Variants in GMEB1 observed in about 807,000 individuals in gnomAD.
GMEB1 encodes glucocorticoid modulatory element binding protein 1, also known as glucocorticoid modulatory element-binding protein 1.
Under a neutral mutation model 52.4 loss-of-function variants are expected in GMEB1, and 6 were observed. The ratio of observed to expected loss-of-function variants is 0.11; its 90% CI spans 0.06 to 0.23. The LOEUF is 0.23. GMEB1 is among the 10% of genes least tolerant of loss of function. GMEB1 has a pLI of 1.00. For synonymous variants in GMEB1, 255 were observed against 244.9 expected (o/e 1.04, Z -0.38); for missense variants, 486 against 685.6 (o/e 0.71, Z 3.25).
intron 1 of GMEB1, among the ~76,000 whole-genome samples, chr1:28,674,198 G>C (rs572671580): frequency 1.8e-4 from 28 of 151,542 alleles, no homozygotes; most frequent in Non-Finnish European, 3.2e-4. Flanking sequence ...AAATGAGCAG[G>C]GTTGGTGGTT....
chr1:28,689,518 A>C (rs1274731147), intron 2 of GMEB1: 1 of 152,320 alleles, frequency 6.6e-6, no homozygotes, highest in East Asian at 1.9e-4. Flanking sequence ...AGTCCCAGCT[A>C]CTCGGGAGGC....
chr1:28,683,790 G>T (rs753228745), intron 2 of GMEB1, 50 bp downstream of exon 2: 3 of 1,573,844 alleles, frequency 1.9e-6, no homozygotes, highest in South Asian at 2.3e-5. Context: ...GAAGCTTCAA[G>T]GGTGGGGAAA....
chr1:28,668,953 GC>G, intron 1 of GMEB1, 114 bp downstream of exon 1: 1 of 145,000 alleles, frequency 6.9e-6, no homozygotes, highest in East Asian at 2.0e-4. Context: ...GGGGCGGGGG[GC>G]TGCTGCCTCC....
intron 2 of GMEB1, among the ~76,000 whole-genome samples, chr1:28,689,096 G>A (rs751291282): frequency 5.9e-5 from 9 of 151,836 alleles, no homozygotes; most frequent in Non-Finnish European, 1.2e-4. Flanking sequence ...CACCATGTTG[G>A]TTAGGCTGGT....
At chr1:28,713,709 GAGTGGCCATTGT>G (rs1671164624) in intron 9 of GMEB1, among the ~76,000 whole-genome samples, 1 of 152,092 alleles carries the variant, frequency 6.6e-6, no homozygotes. Context: ...CTGTTTTTTG[GAGTGGCCATTGT>G]AGCTCCTTTG....
intron 6 of GMEB1, among the ~76,000 whole-genome samples, chr1:28,699,348 A>G (rs953995419): frequency 1.3e-5 from 2 of 152,206 alleles, no homozygotes; most frequent in Non-Finnish European, 2.9e-5. Context: ...CTACTGTTAC[A>G]AGACTTACAA....
intron 9 of GMEB1, among the ~76,000 whole-genome samples, chr1:28,711,023 AT>A (rs1671036079): frequency 6.6e-6 from 1 of 152,060 alleles, no homozygotes; most frequent in Admixed American, 6.6e-5. Flanking sequence ...GTAATCAGAA[AT>A]TTTGTGTAAT....
At chr1:28,701,297 G>C (rs1377306100) in intron 6 of GMEB1, among the ~76,000 whole-genome samples, 10 of 111,034 alleles carry the variant, frequency 9.0e-5, no homozygotes, top group Non-Finnish European at 1.5e-4. Flanking sequence ...AGATGATTTC[G>C]CTCTGTCTCC....
At position 28,697,162 on chromosome 1, in the gene GMEB1, CATATATATATATATATATAT is replaced by C. The variant is rs71586855; in HGVS notation, c.598+97_598+116del. The C allele has an allele frequency of 5.1e-3, 761 of 149,046 alleles. 27 individuals are homozygous for C. The highest frequency in any genetic ancestry group is 0.027 in the African/African-American group (499 of 18,772). The allele number at this position is 149,046 out of a possible 1,614,324, so 9.2% of individuals were successfully genotyped here. ...CCCCCTTATTTCTCCCTTGTGTGTA[CATATATATATATATATATAT>C]ATATATATATATATATATGTATTTT... On this transcript the variant is annotated intron_variant, in intron 6 of 9. Coordinates refer to ENST00000373816, the MANE Select transcript of GMEB1 (RefSeq NM_001319674.2).
Position 28,687,379 on chromosome 1 carries a change from C to CAAAAAAAAAAAA in GMEB1, c.129-2724_129-2723insAAAAAAAAAAAA, listed in dbSNP as rs1399256461. Among the ~76,000 whole-genome samples the CAAAAAAAAAAAA allele has an allele frequency of 4.1e-3, 67 of 16,362 alleles. 17 individuals are homozygous for CAAAAAAAAAAAA. Among genetic ancestry groups the CAAAAAAAAAAAA allele is most frequent in the Admixed American group, 9.9e-3 (11 of 1,106 alleles). 10.7% of individuals were successfully genotyped at this position (16,362 alleles called of 152,430 possible). ...ACACACACACACACACACACACACA[C>CAAAAAAAAAAAA]ACACACACAAAAAAAGACAGTGGAG... On this transcript the variant is annotated intron_variant, in intron 2 of 9. Transcript: ENST00000373816.
chr1:28,690,200 T>C lies in GMEB1; in HGVS notation c.211+14T>C, dbSNP rs1276631653. The C allele has an allele frequency of 1.8e-6, 2 of 1,131,120 alleles. No homozygotes were observed. Among genetic ancestry groups the C allele is most frequent in the Non-Finnish European group, 2.5e-6 (2 of 796,486 alleles). 70.1% of individuals were successfully genotyped at this position (1,131,120 alleles called of 1,614,324 possible). ...AAGAAGGGATTGGTAAGGGTTTTTT[T>C]GTGTTTTTTTTTTTTTTTTTTTTTG... On this transcript the variant is annotated intron_variant, in intron 3 of 9. Transcript: ENST00000373816.
intron 3 of GMEB1, 49 bp downstream of exon 3, chr1:28,690,235 T>G: frequency 1.3e-6 from 1 of 745,946 alleles, no homozygotes; most frequent in Non-Finnish European, 2.1e-6. Flanking sequence ...GTCATTCTAA[T>G]ACCTTTGACT....
intron 1 of GMEB1, among the ~76,000 whole-genome samples, chr1:28,673,123 A>T (rs998785796): frequency 1.3e-5 from 2 of 151,516 alleles, no homozygotes; most frequent in African/African-American, 4.9e-5. Context: ...TGAACTCCCC[A>T]CCTCAGGTGA....
chr1:28,689,246 G>A (rs942745732), intron 2 of GMEB1, among the ~76,000 whole-genome samples: 1 of 151,850 alleles, frequency 6.6e-6, no homozygotes, highest in African/African-American at 2.4e-5. Flanking sequence ...GGCTGGTCTC[G>A]AACTCCTGAC....
chr1:28,693,847 C>G (rs1670078635), intron 5 of GMEB1, among the ~76,000 whole-genome samples: 1 of 151,942 alleles, frequency 6.6e-6, no homozygotes, highest in South Asian at 2.1e-4. Flanking sequence ...TAAGGAATCT[C>G]TTTCAAGAAA....
intron 8 of GMEB1, among the ~76,000 whole-genome samples, chr1:28,706,029 C>T (rs1670745540): frequency 6.6e-6 from 1 of 151,742 alleles, no homozygotes; most frequent in South Asian, 2.1e-4. Context: ...TGGCGGACGC[C>T]TGTAGTCTCA....
intron 1 of GMEB1, among the ~76,000 whole-genome samples, chr1:28,670,577 C>T (rs552709533): frequency 6.6e-6 from 1 of 152,128 alleles, no homozygotes; most frequent in African/African-American, 2.4e-5. Context: ...ATCCCACATC[C>T]TCAGCCTCCC....
intron 1 of GMEB1, among the ~76,000 whole-genome samples, chr1:28,673,088 T>C (rs1460214341): frequency 6.6e-6 from 1 of 151,952 alleles, no homozygotes; most frequent in African/African-American, 2.4e-5. Context: ...AGAGACGTGG[T>C]TTCTCCATGT....
chr1:28,680,123 G>A (rs1466214917), intron 1 of GMEB1, among the ~76,000 whole-genome samples: 1 of 151,480 alleles, frequency 6.6e-6, no homozygotes, highest in African/African-American at 2.4e-5. Flanking sequence ...GCTCACACTT[G>A]TAATCACAAC....
Sources: allele counts gnomAD v4.1 joint callset (sites outside exome capture counted in the v4.1 genomes callset), GRCh38; gene constraint gnomAD v4.1.1; transcripts MANE v1.5; gene names NCBI Gene and HGNC (gene_info 2026-07-23, HGNC 2026-07-21).